JHY: variants seen among roughly 807,000 people sequenced by gnomAD.
JHY encodes jhy protein homolog.
A neutral mutation model predicts 78.0 loss-of-function variants in JHY; 69 were observed. The observed-to-expected ratio is 0.88, with a 90% CI of 0.73 to 1.08. The LOEUF (loss-of-function observed/expected upper bound fraction) is 1.08, where lower values mean the gene tolerates loss of function less well. Ranked by LOEUF, JHY falls within the 50% of genes least tolerant of loss-of-function variation. The probability of loss-of-function intolerance (pLI) is 0.00; values close to 1 mark genes in which losing one functional copy is unlikely to be tolerated. For synonymous variants in JHY, 368 were observed against 342.6 expected (o/e 1.07, Z -0.82); for missense variants, 944 against 927.8 (o/e 1.02, Z -0.23).
intron 4 of JHY, chr11:122,927,145 T>C (rs758313060): frequency 6.6e-6 from 1 of 152,220 alleles, no homozygotes; most frequent in Non-Finnish European, 1.5e-5. Context: ...ATAGTCGGCA[T>C]TGGCAATTTT....
rs368478746 is a variant in JHY at position 122,956,394 on chromosome 11, T to C, written c.1930-102T>C. 6.1e-4 allele frequency: 568 copies of C among 926,388 alleles called. 1 individual carries two copies. Among genetic ancestry groups the C allele is most frequent in the Non-Finnish European group, 7.6e-4 (469 of 616,220 alleles). The allele number at this position is 926,388 out of a possible 1,614,324, so 57.4% of individuals were successfully genotyped here. On this transcript the variant is annotated intron_variant, in intron 6 of 8. Coordinates refer to ENST00000227349, the MANE Select transcript of JHY (RefSeq NM_024806.4). ...TGACAGTGCACACAGGCTTTCATTA[T>C]TTTCTTTCTTACTTTATGTGGCTAT...
intron 2 of JHY, among the ~76,000 whole-genome samples, chr11:122,887,664 G>C (rs146002535): frequency 1.5e-4 from 23 of 151,736 alleles, no homozygotes; most frequent in Non-Finnish European, 3.2e-4. Context: ...ATTAAGGAAA[G>C]TTTATTGGAA....
At chr11:122,912,315 G>A (rs965850906) in intron 3 of JHY, among the ~76,000 whole-genome samples, 7 of 151,438 alleles carry the variant, frequency 4.6e-5, no homozygotes, top group Non-Finnish European at 1.0e-4. Context: ...GTTAAACTGG[G>A]ATGTCTAGCC....
intron 2 of JHY, among the ~76,000 whole-genome samples, chr11:122,886,790 T>A (rs1862506086): frequency 6.6e-6 from 1 of 152,138 alleles, no homozygotes; most frequent in Admixed American, 6.5e-5. Flanking sequence ...GTCTGTCAAA[T>A]AACCTGACTT....
chr11:122,925,172 G>A (rs1203163700), intron 4 of JHY, among the ~76,000 whole-genome samples, 162 bp downstream of exon 4: 2 of 152,166 alleles, frequency 1.3e-5, no homozygotes, highest in African/African-American at 2.4e-5. Flanking sequence ...AGGAGCCATT[G>A]CCTGCTCAGC....
Position 122,934,580 on chromosome 11 carries a change from C to T in JHY, c.1139C>T (p.Thr380Ile). ...CACCAGAATGGCCTGAAGTCTTCCA[C>T]AACGGAAGAGGTGACTGCCAGTCAG... Reference protein sequence around the residue: ...CKHQNGLKSSTTEEVTASQGN... With the variant: ...CKHQNGLKSSITEEVTASQGN... Residue 380 changes from threonine to isoleucine, a missense_variant, in exon 5 of 9, where the codon ACA becomes ATA. Thr to Ile is a moderately conservative substitution (Grantham distance 89, BLOSUM62 -1). Transcript: ENST00000227349. 6.2e-7 allele frequency: 1 copy of T among 1,614,102 alleles called. No homozygotes were observed. The highest frequency in any genetic ancestry group is 1.7e-5 in the Admixed American group (1 of 60,010).
chr11:122,896,342 CAAAAAAAAA>C (rs11370911), intron 2 of JHY, among the ~76,000 whole-genome samples: 19 of 73,408 alleles, frequency 2.6e-4, no homozygotes, highest in African/African-American at 1.0e-3. Context: ...GACTCTGTCT[CAAAAAAAAA>C]AAAAAAAAAA....
chr11:122,905,632 T>C (rs1591375136), intron 3 of JHY: 23 of 972,932 alleles, frequency 2.4e-5, no homozygotes, highest in Admixed American at 6.1e-5. Flanking sequence ...CTTTGGGAGG[T>C]CGAGGTGGGA....
intron 2 of JHY, among the ~76,000 whole-genome samples, chr11:122,896,115 C>G (rs1319088158): frequency 6.6e-6 from 1 of 152,054 alleles, no homozygotes; most frequent in African/African-American, 2.4e-5. Flanking sequence ...TTCTCTGATT[C>G]AAAAACATTT....
In JHY at chr11:122,935,168, T is replaced by C; in HGVS notation, c.1634+93T>C. 1 of 1,190,044 alleles carries C rather than the reference T, an allele frequency of 8.4e-7. No individual in the cohort carries two copies. Among genetic ancestry groups the C allele is most frequent in the South Asian group, 1.7e-5 (1 of 59,004 alleles). The allele number at this position is 1,190,044 out of a possible 1,614,324, so 73.7% of individuals were successfully genotyped here. ...GAGGAAGAAGGGGAAGGGGAATCCA[T>C]AAGGTGGCTAGGTGAGAAGAAGAGT... is the stretch of plus-strand genomic sequence containing the variant. On this transcript the variant is annotated intron_variant, in intron 5 of 8. Transcript: ENST00000227349. The surrounding 1 kb of genome is among the most constrained non-coding windows in gnomAD (Gnocchi z 4.5).
In JHY at chr11:122,886,112, T is replaced by C. The variant is rs2135276507; in HGVS notation, c.263T>C (p.Met88Thr). Reference sequence around the variant, plus strand: ...CCTCGATGGGGAAGCCTGCACGAGATGGAAGAGGAAGCAAGTGGAAAAGCA... The same window carrying C: ...CCTCGATGGGGAAGCCTGCACGAGACGGAAGAGGAAGCAAGTGGAAAAGCA... ...ESPRWGSLHEMEEEASGKAAQ... is the reference protein window; with the variant it reads ...ESPRWGSLHETEEEASGKAAQ... Residue 88 changes from methionine to threonine, a missense_variant, in exon 2 of 9, where the codon ATG (methionine) becomes ACG (threonine). By Grantham distance (81) the Met-to-Thr change is moderately conservative. Coordinates refer to ENST00000227349, the MANE Select transcript of JHY (RefSeq NM_024806.4). 3.1e-6 allele frequency: 5 copies of C among 1,613,848 alleles called. No individual in the cohort carries two copies. The highest frequency in any genetic ancestry group is 4.2e-6 in the Non-Finnish European group (5 of 1,179,992).
intron 6 of JHY, among the ~76,000 whole-genome samples, chr11:122,954,745 C>T (rs181346921): frequency 1.9e-3 from 289 of 152,174 alleles, no homozygotes; most frequent in African/African-American, 6.7e-3. Context: ...TGGTGAAACC[C>T]CATCTCTACC....
intron 6 of JHY, among the ~76,000 whole-genome samples, chr11:122,952,568 A>G (rs1319478672): frequency 6.6e-6 from 1 of 152,174 alleles, no homozygotes; most frequent in Non-Finnish European, 1.5e-5. Context: ...GTCCCTTCAT[A>G]TCGAGGTGTA....
At position 122,883,157 on chromosome 11, in the gene JHY, G is replaced by A. The variant is rs1862419918; in HGVS notation, c.-90+185G>A. On this transcript the variant is annotated intron_variant, in intron 1 of 8. Transcript: ENST00000227349. This position sits in a 1 kb window ranked among gnomAD's most constrained non-coding sequence, Gnocchi z 4.4. ...CGAGGCCGCGACAAGGGGCTGGGGG[G>A]CCGCCATGCGAGGCTTCGGCGCCCG... Among the ~76,000 whole-genome samples the A allele has an allele frequency of 6.6e-6, 1 of 152,054 alleles. No homozygotes were observed. The highest frequency in any genetic ancestry group is 2.1e-4 in the South Asian group (1 of 4,838).
intron 7 of JHY, 128 bp from the exon 8 acceptor site, chr11:122,957,235 G>A: frequency 9.9e-7 from 1 of 1,014,354 alleles, no homozygotes; most frequent in Non-Finnish European, 1.4e-6. Flanking sequence ...CTTACTCAAG[G>A]TGATCCCATT....
chr11:122,928,214 G>A (rs1037677048), intron 4 of JHY, among the ~76,000 whole-genome samples: 8 of 152,014 alleles, frequency 5.3e-5, no homozygotes, highest in Non-Finnish European at 1.0e-4. Context: ...TTGCTTTTTT[G>A]GAGGCCAAGG....
intron 3 of JHY, chr11:122,905,490 C>G: frequency 8.3e-7 from 1 of 1,205,266 alleles, no homozygotes; most frequent in South Asian, 3.8e-5. Flanking sequence ...CCTGTTCTAA[C>G]CTCTAAGCAT....
chr11:122,916,974 T>TC (rs1380208471), intron 3 of JHY, among the ~76,000 whole-genome samples: 1 of 151,792 alleles, frequency 6.6e-6, no homozygotes, highest in African/African-American at 2.4e-5. Context: ...CTTTTATAGT[T>TC]CCCCCCACCC....
chr11:122,911,197 G>A (rs547893383), intron 3 of JHY, among the ~76,000 whole-genome samples: 1 of 152,286 alleles, frequency 6.6e-6, no homozygotes, highest in East Asian at 1.9e-4. Context: ...GTGAAATTTA[G>A]TATGGGTTCA....
Sources: allele counts gnomAD v4.1 joint callset (sites outside exome capture counted in the v4.1 genomes callset), GRCh38; gene constraint gnomAD v4.1.1; non-coding constraint Gnocchi (gnomAD v3.1); transcripts MANE v1.5; gene names NCBI Gene and HGNC (gene_info 2026-07-23, HGNC 2026-07-21).